The following NLRP2 variants were observed in gnomAD, a reference collection of about 807,000 sequenced individuals.
The protein encoded by NLRP2 is NACHT, LRR and PYD domains-containing protein 2.
A neutral mutation model predicts 97.2 loss-of-function variants in NLRP2; 107 were observed. The ratio of observed to expected loss-of-function variants is 1.10; its 90% CI spans 0.94 to 1.29. The LOEUF (loss-of-function observed/expected upper bound fraction) is 1.29, where lower values mean the gene tolerates loss of function less well. Ranked by LOEUF, NLRP2 falls within the 50% of genes most tolerant of loss-of-function variation. The pLI is 0.00. For missense variants in NLRP2, 1,495 were observed against 1,330.3 expected (o/e 1.12, Z -1.93); for synonymous variants, 663 against 551.5 (o/e 1.20, Z -2.83).
chr19:54,990,446 C>T (rs370464604), intron 9 of NLRP2, 56 bp from the exon 10 acceptor site: 103 of 1,574,694 alleles, frequency 6.5e-5, no homozygotes, highest in Non-Finnish European at 7.5e-5. Context: ...TGGAGCTAGC[C>T]GGGAAGGTTG....
intron 4 of NLRP2, among the ~76,000 whole-genome samples, chr19:54,978,391 C>G (rs1339673803): frequency 2.0e-5 from 3 of 151,982 alleles, no homozygotes; most frequent in Admixed American, 2.0e-4. Flanking sequence ...CATGCCACCA[C>G]GCCCAGCTAA....
chr19:54,997,327 TGTTCCATCCCTCC>T lies in NLRP2; in HGVS notation c.2895_2907del (p.Ile966ValfsTer30). On this transcript the variant is annotated frameshift_variant, in exon 12 of 13. Coordinates refer to ENST00000448584, the MANE Select transcript of NLRP2 (RefSeq NM_017852.5). LOFTEE classifies it high-confidence loss of function. ...TCTGTGTTTCCCCAGGTTGTGGGGA[TGTTCCATCCCTCC>T]GTTCAGTTGTGAAGACCTCTGCTCT... 1 of 1,613,652 alleles carries T rather than the reference TGTTCCATCCCTCC, an allele frequency of 6.2e-7. No homozygotes were observed. The highest frequency in any genetic ancestry group is 2.2e-5 in the East Asian group (1 of 44,874).
At chr19:54,982,124 T>A (rs1391144791) in intron 5 of NLRP2, 38 bp from the exon 6 acceptor site, 3 of 1,613,166 alleles carry the variant, frequency 1.9e-6, no homozygotes, top group Non-Finnish European at 1.7e-6. Context: ...GGTAACTGAT[T>A]GCATCCTCTC....
chr19:54,970,863 C>G (rs1348994358), intron 2 of NLRP2, among the ~76,000 whole-genome samples: 1 of 139,330 alleles, frequency 7.2e-6, no homozygotes, highest in African/African-American at 2.7e-5. Flanking sequence ...GGTACATGTG[C>G]ACATTGTGCA....
Position 54,982,818 on chromosome 19 carries a change from G to A in NLRP2, c.1120G>A (p.Asp374Asn). The A allele has an allele frequency of 6.2e-7, 1 of 1,613,854 alleles. No homozygotes were observed. The highest frequency in any genetic ancestry group is 8.5e-7 in the Non-Finnish European group (1 of 1,179,974). The part of the protein sequence containing the change: ...RRAYFLRHFG[D>N]EDQAMRAFEL... ...GGCCTATTTCCTGAGACACTTTGGAGACGAGGACCAAGCCATGCGTGCCTT... is the reference window on the plus strand; with the variant it reads ...GGCCTATTTCCTGAGACACTTTGGAAACGAGGACCAAGCCATGCGTGCCTT... Residue 374 changes from aspartate to asparagine, a missense_variant, in exon 6 of 13, where the codon GAC becomes AAC. Physicochemically the swap from Asp to Asn is conservative, Grantham distance 23 (BLOSUM62 1). Transcript: ENST00000448584.
intron 2 of NLRP2, among the ~76,000 whole-genome samples, chr19:54,971,999 T>A (rs1167554318): frequency 7.6e-6 from 1 of 130,970 alleles, no homozygotes; most frequent in African/African-American, 3.2e-5. Context: ...TGGCTGATTT[T>A]TTTTTTTTTT....
intron 5 of NLRP2, 97 bp downstream of exon 5, chr19:54,981,779 TTATG>T (rs1261837413): frequency 2.3e-5 from 19 of 827,308 alleles, no homozygotes; most frequent in Non-Finnish European, 3.0e-5. Flanking sequence ...AAGCATTTAT[TTATG>T]TATGTATGTA....
chr19:54,984,559 T>A (rs1267691902), intron 6 of NLRP2, among the ~76,000 whole-genome samples: 1 of 143,886 alleles, frequency 6.9e-6, no homozygotes, highest in Admixed American at 7.2e-5. Flanking sequence ...CTCGGCTCAC[T>A]GCAACCTCCG....
At chr19:54,989,901 G>C (rs1048016154) in intron 8 of NLRP2, 121 bp from the exon 9 acceptor site, 21 of 1,006,182 alleles carry the variant, frequency 2.1e-5, no homozygotes, top group Non-Finnish European at 3.2e-5. Context: ...TGAGGCAGGA[G>C]AATCACTTGA....
chr19:54,986,043 A>G, intron 7 of NLRP2, 108 bp from the exon 8 acceptor site: 2 of 796,000 alleles, frequency 2.5e-6, no homozygotes, highest in Non-Finnish European at 4.3e-6. Flanking sequence ...AAATTTAAAC[A>G]TGGAAAAAAT....
At chr19:54,984,959 TG>T in intron 6 of NLRP2, 87 bp from the exon 7 acceptor site, 1 of 1,252,954 alleles carries the variant, frequency 8.0e-7, no homozygotes, top group South Asian at 1.2e-5. Context: ...TGTACTCATT[TG>T]TCAGGGGTAT....
At chr19:54,985,677 CAAAAAAAAAAAAA>C (rs113852885) in intron 7 of NLRP2, among the ~76,000 whole-genome samples, 1 of 68,016 alleles carries the variant, frequency 1.5e-5, no homozygotes, top group African/African-American at 4.5e-5. Flanking sequence ...GACTGCGTCT[CAAAAAAAAAAAAA>C]AAAAAAAAGA....
chr19:54,998,611 C>CTTTTTTTTTTTTTTTTTTTTTTTTTTT (rs375510249), intron 12 of NLRP2, among the ~76,000 whole-genome samples: 2 of 42,196 alleles, frequency 4.7e-5, no homozygotes, highest in African/African-American at 1.7e-4. Context: ...CATCTTTTTT[C>CTTTTTTTTTTTTTTTTTTTTTTTTTTT]TTTTTTTTTT....
At chr19:54,999,478 G>A (rs1006954362) in intron 12 of NLRP2, among the ~76,000 whole-genome samples, 1 of 152,148 alleles carries the variant, frequency 6.6e-6, no homozygotes, top group African/African-American at 2.4e-5. Flanking sequence ...GTACTCCGGG[G>A]TCCACTGAGT....
In NLRP2 at chr19:54,982,801, T is replaced by G. The variant is rs1240586728; in HGVS notation, c.1103T>G (p.Phe368Cys). ...CTGGAGGAGGACAGGAGGGCCTATT[T>G]CCTGAGACACTTTGGAGACGAGGAC... is the stretch of plus-strand genomic sequence containing the variant. ...GFLEEDRRAY[F>C]LRHFGDEDQA... The change falls in exon 6 of 13, where the codon TTC becomes TGC. Residue 368 changes from phenylalanine (F) to cysteine (C), a missense_variant. By Grantham distance (205) the Phe-to-Cys change is radical. Coordinates refer to ENST00000448584, the MANE Select transcript of NLRP2 (RefSeq NM_017852.5). The G allele has an allele frequency of 1.2e-6, 2 of 1,613,980 alleles. No homozygotes were observed. The highest frequency in any genetic ancestry group is 1.7e-5 in the Admixed American group (1 of 60,002).
intron 12 of NLRP2, among the ~76,000 whole-genome samples, chr19:54,998,021 C>CT (rs2072934298): frequency 4.7e-5 from 6 of 127,470 alleles, no homozygotes; most frequent in African/African-American, 1.7e-4. Context: ...TTTGTTTTTT[C>CT]TTTCTTTTTT....
rs1005235143 is a variant in NLRP2 at position 54,970,261 on chromosome 19, G to A, written c.246G>A (p.Met82Ile). ...AGGTCTTTGAAAAGATGCACCGAAT[G>A]GATCTGTCTGAGAGAGCAAAGGATG... The part of the protein sequence containing the change: ...SLQVFEKMHR[M>I]DLSERAKDEV... Residue 82 changes from methionine (M) to isoleucine (I), a missense_variant, in exon 2 of 13, where the codon ATG becomes ATA. Coordinates refer to ENST00000448584, the MANE Select transcript of NLRP2 (RefSeq NM_017852.5). 1.2e-6 allele frequency: 2 copies of A among 1,614,196 alleles called. No individual in the cohort carries two copies. The highest frequency in any genetic ancestry group is 4.5e-5 in the East Asian group (2 of 44,880).
intron 2 of NLRP2, among the ~76,000 whole-genome samples, 169 bp downstream of exon 2, chr19:54,970,464 C>G (rs2070774334): frequency 6.6e-6 from 1 of 152,046 alleles, no homozygotes; most frequent in African/African-American, 2.4e-5. Flanking sequence ...CCAGCCTGAC[C>G]AACATGGTGA....
rs76921873 is a variant in NLRP2, at chr19:54,986,159, A to G, written c.2210A>G (p.Asn737Ser). The part of the protein sequence containing the change: ...TCHLQRVVFK[N>S]ISPADAHRNL... ...CGTTCTCTTTTCCCTAGGTTCAAAAACATTTCCCCAGCTGATGCTCATCGG... is the reference window on the plus strand; with the variant it reads ...CGTTCTCTTTTCCCTAGGTTCAAAAGCATTTCCCCAGCTGATGCTCATCGG... The change falls in exon 8 of 13, where the codon AAC becomes AGC. Residue 737 changes from asparagine to serine, a missense_variant. Asn to Ser is a conservative substitution (Grantham distance 46). Transcript: ENST00000448584. The G allele has an allele frequency of 6.2e-7, 1 of 1,612,962 alleles. No homozygotes were observed. The highest frequency in any genetic ancestry group is 1.7e-5 in the Admixed American group (1 of 60,000).
Sources: gnomAD v4.1 joint callset for allele counts (sites outside exome capture counted in the v4.1 genomes callset) on GRCh38, gnomAD v4.1.1 for gene constraint, MANE v1.5 for transcripts, NCBI Gene and HGNC (gene_info 2026-07-23, HGNC 2026-07-21) for gene names.